HM13: variants seen among roughly 807,000 people sequenced by gnomAD.
The protein encoded by HM13 is signal peptide peptidase.
In HM13, 18 loss-of-function variants were observed where a neutral mutation model predicts 50.0. The ratio of observed to expected loss-of-function variants is 0.36; its 90% CI spans 0.25 to 0.53. HM13 has a LOEUF of 0.53. HM13 is among the 20% of genes least tolerant of loss of function. The probability of loss-of-function intolerance (pLI) is 0.90; values close to 1 mark genes in which losing one functional copy is unlikely to be tolerated. For synonymous variants in HM13, 197 were observed against 232.6 expected (o/e 0.85, Z 1.39); for missense variants, 393 against 552.4 (o/e 0.71, Z 2.89).
Position 31,566,255 on chromosome 20 carries a change from C to T in HM13, c.994C>T (p.Leu332=), listed in dbSNP as rs747083916. 2 of 1,614,064 alleles carry T rather than the reference C, an allele frequency of 1.2e-6. No homozygotes were observed. Among genetic ancestry groups the T allele is most frequent in the Non-Finnish European group, 1.7e-6 (2 of 1,179,984 alleles). ...LVPACIGFPV[L]VALAKGEVTE... is the part of the protein sequence containing the mutation. ...CCCCGCCTGCATCGGTTTTCCTGTC[C>T]TGGTGGCGCTGGCCAAGGGAGAAGT... Residue 332 remains leucine, a synonymous_variant, in exon 11 of 13, where the codon CTG becomes TTG. Transcript: ENST00000398174.
chr20:31,564,851 CAAAA>C (rs11476071), intron 10 of HM13, among the ~76,000 whole-genome samples: 4 of 116,686 alleles, frequency 3.4e-5, no homozygotes, highest in East Asian at 2.8e-4. Flanking sequence ...CTCAAAATCA[CAAAA>C]AAAAAAAAAA....
intron 3 of HM13, chr20:31,539,081 T>G: frequency 1.0e-6 from 1 of 985,410 alleles, no homozygotes; most frequent in Non-Finnish European, 1.2e-6. Flanking sequence ...ACTGCTACCC[T>G]AACTCAAACT....
intron 2 of HM13, among the ~76,000 whole-genome samples, chr20:31,537,536 G>A (rs1983183564): frequency 6.6e-6 from 1 of 152,222 alleles, no homozygotes; most frequent in African/African-American, 2.4e-5. Flanking sequence ...AGCAAACATG[G>A]TGTACCATGG....
chr20:31,519,535 C>G (rs1443054998), intron 1 of HM13, among the ~76,000 whole-genome samples: 1 of 152,184 alleles, frequency 6.6e-6, no homozygotes, highest in Non-Finnish European at 1.5e-5. Context: ...GCTTAGAATG[C>G]TAGTTCTCTA....
At chr20:31,562,602 C>T (rs1984678774) in intron 10 of HM13, 1 of 152,240 alleles carries the variant, frequency 6.6e-6, no homozygotes, top group African/African-American at 2.4e-5. Flanking sequence ...TCTGGGCTTG[C>T]TGCTTCTGTC....
intron 2 of HM13, among the ~76,000 whole-genome samples, chr20:31,529,085 C>G (rs186780293): frequency 2.2e-4 from 33 of 152,324 alleles, no homozygotes; most frequent in Non-Finnish European, 3.8e-4. Context: ...ACTGCAACCT[C>G]AATTCCTGGA....
At position 31,528,352 on chromosome 20, in the gene HM13, C is replaced by T. The variant is rs574853004; in HGVS notation, c.282+770C>T. ...TTTATTTTAGGACAGAGTCTCACTC[C>T]GTCCCCCAGGCTGGAGTGCAATGGC... On this transcript the variant is annotated intron_variant, in intron 2 of 12. Transcript: ENST00000398174. Among the ~76,000 whole-genome samples the T allele has an allele frequency of 2.6e-5, 4 of 152,198 alleles. No homozygotes were observed. The South Asian group carries it at 8.3e-4, about 32-fold the overall frequency.
chr20:31,543,509 G>A (rs139587678), intron 3 of HM13, among the ~76,000 whole-genome samples: 475 of 151,822 alleles, frequency 3.1e-3, no homozygotes, highest in African/African-American at 0.011. Flanking sequence ...GGCTGGTCTC[G>A]AACTCCTGAC....
intron 9 of HM13, 77 bp from the exon 10 acceptor site, chr20:31,561,557 A>G (rs1984614085): frequency 9.8e-7 from 1 of 1,016,220 alleles, no homozygotes; most frequent in South Asian, 1.3e-5. Context: ...GGTCTTCCCC[A>G]GCTCCCTCAG....
chr20:31,523,196 G>T (rs563139477), intron 1 of HM13, among the ~76,000 whole-genome samples: 1 of 151,362 alleles, frequency 6.6e-6, no homozygotes, highest in African/African-American at 2.4e-5. Context: ...GACCATAGGC[G>T]CACAATATCA....
intron 3 of HM13, among the ~76,000 whole-genome samples, chr20:31,542,217 C>A (rs775690694): frequency 6.6e-6 from 1 of 152,232 alleles, no homozygotes; most frequent in Non-Finnish European, 1.5e-5. Context: ...AGGCAGGGGC[C>A]GCAGCCTGCC....
chr20:31,525,314 G>A lies in HM13; in HGVS notation c.184-2170G>A, dbSNP rs73233618. ...TCCCTCTTTGCAACCTTCCACCTGG[G>A]ACACTAGGGCCTCTCTGAGCCAGTC... On this transcript the variant is annotated intron_variant, in intron 1 of 12. Coordinates refer to ENST00000398174, the MANE Select transcript of HM13 (RefSeq NM_178581.3). Among the ~76,000 whole-genome samples the A allele has an allele frequency of 9.3e-3, 1,421 of 152,164 alleles. 18 individuals are homozygous for A. Among genetic ancestry groups the A allele is most frequent in the African/African-American group, 0.032 (1,348 of 41,520 alleles).
At position 31,549,322 on chromosome 20, in the gene HM13, A is replaced by G; in HGVS notation, c.656A>G (p.Asp219Gly). Residue 219 changes from aspartate (D) to glycine (G), a missense_variant, in exon 6 of 13, where the codon GAT becomes GGT. Around this residue, in one of 3 missense-constraint regions of HM13, gnomAD observed 74 missense variants for 160.4 expected, o/e 0.46. Coordinates refer to ENST00000398174, the MANE Select transcript of HM13 (RefSeq NM_178581.3). ...CTGCTGGGCGGACTCTTCATCTACG[A>G]TGTCTTCTGGGTGAGTCAGGCAGGG... ...CILLGGLFIY[D>G]VFWVFGTNVM... 1 of 1,614,134 alleles carries G rather than the reference A, an allele frequency of 6.2e-7. No individual in the cohort carries two copies. The highest frequency in any genetic ancestry group is 8.5e-7 in the Non-Finnish European group (1 of 1,180,008).
intron 2 of HM13, among the ~76,000 whole-genome samples, chr20:31,530,986 C>T (rs1982781822): frequency 6.6e-6 from 1 of 152,220 alleles, no homozygotes; most frequent in Admixed American, 6.5e-5. Flanking sequence ...CCCAGGCGCT[C>T]ACCTGCATTG....
intron 2 of HM13, among the ~76,000 whole-genome samples, chr20:31,534,947 G>A (rs539149757): frequency 1.1e-4 from 17 of 152,190 alleles, no homozygotes; most frequent in African/African-American, 2.6e-4. Context: ...TTAGCCGGGC[G>A]TGGTGGCAGG....
chr20:31,556,063 T>C (rs1490349337), intron 8 of HM13, among the ~76,000 whole-genome samples: 1 of 151,400 alleles, frequency 6.6e-6, no homozygotes, highest in African/African-American at 2.4e-5. Flanking sequence ...AGACGGAGTT[T>C]TGCTCTTGCC....
At chr20:31,569,078 C>A in intron 12 of HM13, 42 bp from the exon 13 acceptor site, 1 of 1,406,828 alleles carries the variant, frequency 7.1e-7, no homozygotes, top group Non-Finnish European at 9.7e-7. Context: ...TCACCCTCTC[C>A]TCTAAATGAA....
chr20:31,547,977 C>G, intron 4 of HM13: 1 of 1,571,772 alleles, frequency 6.4e-7, no homozygotes, highest in Non-Finnish European at 8.8e-7. Context: ...TTGAGAAAGT[C>G]AACAAAGGAA....
At chr20:31,522,861 G>GAA (rs11167233) in intron 1 of HM13, among the ~76,000 whole-genome samples, 230 of 150,110 alleles carry the variant, frequency 1.5e-3, no homozygotes, top group African/African-American at 5.2e-3. Context: ...GAGGCTTAGA[G>GAA]AAAAAAAAAA....
Sources: gnomAD v4.1 joint callset for allele counts (sites outside exome capture counted in the v4.1 genomes callset) on GRCh38, gnomAD v4.1.1 for gene constraint, gnomAD v4.1.1 regional missense constraint, MANE v1.5 for transcripts, NCBI Gene and HGNC (gene_info 2026-07-23, HGNC 2026-07-21) for gene names.